CWC27: variants seen among roughly 807,000 people sequenced by gnomAD.
CWC27 encodes the protein CWC27 spliceosome associated cyclophilin, also known as spliceosome-associated protein CWC27 homolog.
In CWC27, 47 loss-of-function variants were observed where a neutral mutation model predicts 63.6. The ratio of observed to expected loss-of-function variants is 0.74; its 90% CI spans 0.58 to 0.94. CWC27 has a LOEUF of 0.94. CWC27 is among the 40% of genes least tolerant of loss of function. CWC27 has a pLI of 0.00. For missense variants in CWC27, 495 were observed against 554.3 expected, an observed-to-expected ratio of 0.89 and a Z score of 1.07; for synonymous variants, 175 against 179.8, an observed-to-expected ratio of 0.97 and a Z score of 0.22.
intron 10 of CWC27, 125 bp downstream of exon 10, chr5:64,804,511 A>T: frequency 1.9e-6 from 2 of 1,058,036 alleles, no homozygotes; most frequent in Non-Finnish European, 2.6e-6. Flanking sequence ...TAAACATAAC[A>T]GTTGTACAAA....
intron 13 of CWC27, among the ~76,000 whole-genome samples, chr5:65,017,400 C>G (rs1750068236): frequency 6.6e-6 from 1 of 152,126 alleles, no homozygotes; most frequent in African/African-American, 2.4e-5. Flanking sequence ...CCTGTTTATT[C>G]CTGGCACCTC....
intron 10 of CWC27, among the ~76,000 whole-genome samples, chr5:64,859,917 C>T (rs1201921026): frequency 1.3e-5 from 2 of 152,108 alleles, no homozygotes; most frequent in East Asian, 1.9e-4. Context: ...GTAGTATCAA[C>T]ATTTTATTGT....
intron 10 of CWC27, among the ~76,000 whole-genome samples, chr5:64,821,086 A>ATTTTTT (rs11388495): frequency 1.4e-4 from 18 of 132,676 alleles, no homozygotes; most frequent in Non-Finnish European, 2.4e-4. Flanking sequence ...AAACAAAGCA[A>ATTTTTT]TTTTTTTTTT....
At chr5:64,896,279 C>G (rs1747372176) in intron 11 of CWC27, among the ~76,000 whole-genome samples, 2 of 152,138 alleles carry the variant, frequency 1.3e-5, no homozygotes, top group South Asian at 4.1e-4. Flanking sequence ...TGTGGACCTT[C>G]ACCAAAGGAA....
intron 2 of CWC27, among the ~76,000 whole-genome samples, chr5:64,775,588 G>A (rs1276391506): frequency 6.6e-6 from 1 of 151,720 alleles, no homozygotes; most frequent in Non-Finnish European, 1.5e-5. Flanking sequence ...ATTTTTAAAT[G>A]TCTGTTCAAA....
intron 7 of CWC27, 38 bp from the exon 8 acceptor site, chr5:64,800,210 A>G: frequency 7.4e-7 from 1 of 1,348,910 alleles, no homozygotes; most frequent in Non-Finnish European, 1.0e-6. Flanking sequence ...AATACTGTTT[A>G]TTTCCCCCCT....
Position 64,971,744 on chromosome 5 carries a change from A to C in CWC27, c.1084A>C (p.Arg362=), listed in dbSNP as rs1749128729. The C allele has an allele frequency of 6.2e-7, 1 of 1,612,084 alleles. No homozygotes were observed. Among genetic ancestry groups the C allele is most frequent in the Non-Finnish European group, 8.5e-7 (1 of 1,179,226 alleles). ...AGATGGTGCTGTTGCCGAATACAGAAGAGAAAAGCAAAAGTATGAAGCTTT... is the reference window on the plus strand; with the variant it reads ...AGATGGTGCTGTTGCCGAATACAGACGAGAAAAGCAAAAGTATGAAGCTTT... ...PPDGAVAEYR[R]EKQKYEALRK... Residue 362 remains arginine (R), a synonymous_variant, in exon 12 of 14, where the codon AGA becomes CGA. Coordinates refer to ENST00000381070, the MANE Select transcript of CWC27 (RefSeq NM_005869.4).
chr5:64,994,422 A>C (rs1252529066), intron 13 of CWC27, among the ~76,000 whole-genome samples: 1 of 152,196 alleles, frequency 6.6e-6, no homozygotes, highest in Non-Finnish European at 1.5e-5. Context: ...TCAGTGAATA[A>C]ATTTTTAGTT....
At chr5:64,852,946 C>T (rs1408344589) in intron 10 of CWC27, among the ~76,000 whole-genome samples, 3 of 152,142 alleles carry the variant, frequency 2.0e-5, no homozygotes, top group Non-Finnish European at 4.4e-5. Context: ...GTCCCATTCC[C>T]TATCCTTTAG....
intron 11 of CWC27, among the ~76,000 whole-genome samples, chr5:64,959,536 C>T (rs750999541): frequency 1.3e-5 from 2 of 152,078 alleles, no homozygotes; most frequent in African/African-American, 2.4e-5. Context: ...CAACTCTTAC[C>T]CAGAAAGCTT....
intron 10 of CWC27, among the ~76,000 whole-genome samples, chr5:64,831,130 G>T (rs1745505015): frequency 6.6e-6 from 1 of 151,854 alleles, no homozygotes; most frequent in African/African-American, 2.4e-5. Context: ...GCTCAAACAG[G>T]TTTACTCCTC....
Position 64,971,825 on chromosome 5 carries a change from A to G in CWC27, c.1152+13A>G. The G allele has an allele frequency of 6.5e-7, 1 of 1,542,258 alleles. No homozygotes were observed. ...CCGGGAAGATCAGGTAACTTCAAAA[A>G]CCCAAATCCATACAGAACTTATTGT... On this transcript the variant is annotated intron_variant, in intron 12 of 13. Coordinates refer to ENST00000381070, the MANE Select transcript of CWC27 (RefSeq NM_005869.4).
intron 10 of CWC27, among the ~76,000 whole-genome samples, chr5:64,835,424 A>G (rs1745635420): frequency 6.6e-6 from 1 of 151,676 alleles, no homozygotes; most frequent in Non-Finnish European, 1.5e-5. Flanking sequence ...ATGCATGCAA[A>G]CCCTGTAGAT....
chr5:64,844,290 C>T (rs1745918551), intron 10 of CWC27, among the ~76,000 whole-genome samples: 1 of 152,188 alleles, frequency 6.6e-6, no homozygotes, highest in Admixed American at 6.5e-5. Flanking sequence ...AGGCAGAGGT[C>T]ATATTGACCA....
In CWC27 at chr5:64,793,008, G is replaced by C. The variant is rs115752375; in HGVS notation, c.669+3988G>C. Among the ~76,000 whole-genome samples the C allele has an allele frequency of 3.2e-3, 484 of 152,164 alleles. 4 individuals carry two copies. The highest frequency in any genetic ancestry group is 0.013 in the East Asian group (67 of 5,184). ...TAAAATATACTATACATTATAACTG[G>C]TATTTTAATCTCAGATAACTAAAGA... is the stretch of plus-strand genomic sequence containing the variant. On this transcript the variant is annotated intron_variant, in intron 7 of 13. Transcript: ENST00000381070.
chr5:64,862,170 C>T (rs16893199), intron 10 of CWC27, among the ~76,000 whole-genome samples: 55,271 of 151,294 alleles, frequency 0.37, 10,645 homozygotes, highest in East Asian at 0.51. Flanking sequence ...ACGGGAAGGC[C>T]AAAGAGCCAG....
chr5:65,009,487 C>G (rs192282067), intron 13 of CWC27, among the ~76,000 whole-genome samples: 6 of 152,296 alleles, frequency 3.9e-5, no homozygotes. Context: ...AATTGTATCT[C>G]CCTAAAACTC....
chr5:64,982,161 CT>C, intron 13 of CWC27, among the ~76,000 whole-genome samples: 1 of 152,220 alleles, frequency 6.6e-6, no homozygotes, highest in Middle Eastern at 3.4e-3. Flanking sequence ...AGATTATTGA[CT>C]TTTAGACCCA....
intron 11 of CWC27, among the ~76,000 whole-genome samples, chr5:64,964,608 C>G (rs922457812): frequency 6.6e-6 from 1 of 152,182 alleles, no homozygotes; most frequent in African/African-American, 2.4e-5. Context: ...CCTTCATCAG[C>G]ACTTTAGGGA....
Sources: allele counts gnomAD v4.1 joint callset (sites outside exome capture counted in the v4.1 genomes callset), GRCh38; gene constraint gnomAD v4.1.1; transcripts MANE v1.5; gene names NCBI Gene and HGNC (gene_info 2026-07-23, HGNC 2026-07-21).